The following HECW1 variants were observed in gnomAD, a reference collection of about 807,000 sequenced individuals.
HECW1 encodes the protein HECT, C2 and WW domain containing E3 ubiquitin protein ligase 1, also known as E3 ubiquitin-protein ligase HECW1.
A neutral mutation model predicts 182.3 loss-of-function variants in HECW1; 61 were observed. The ratio of observed to expected loss-of-function variants is 0.33; its 90% CI spans 0.27 to 0.41. The LOEUF (loss-of-function observed/expected upper bound fraction) is 0.41. Among genes scored for constraint, HECW1 ranks in the 10% least tolerant of loss-of-function variants. The pLI, the probability that HECW1 is intolerant of heterozygous loss-of-function variation, is 1.00. For missense variants in HECW1, 1,739 were observed against 2,108.9 expected (o/e 0.82, Z 3.44); for synonymous variants, 859 against 832.6 (o/e 1.03, Z -0.55).
chr7:43,134,034 C>G (rs1003582400), intron 2 of HECW1, among the ~76,000 whole-genome samples: 1 of 152,106 alleles, frequency 6.6e-6, no homozygotes, highest in Admixed American at 6.5e-5. Context: ...TAGTCACAAG[C>G]CCTCTCTAAC....
chr7:43,342,818 G>T (rs1813162560), intron 5 of HECW1, among the ~76,000 whole-genome samples: 1 of 151,794 alleles, frequency 6.6e-6, no homozygotes, highest in African/African-American at 2.4e-5. Flanking sequence ...GAGGTCAGGA[G>T]ATCGAGACCA....
Position 43,243,985 on chromosome 7 carries a change from C to A in HECW1, c.27+53C>A. 1 of 1,364,604 alleles carries A rather than the reference C, an allele frequency of 7.3e-7. No homozygotes were observed. The allele number at this position is 1,364,604 out of a possible 1,614,324, so 84.5% of individuals were successfully genotyped here. ...ACCATCCATGTCATTCCATTATAAA[C>A]CCACTCCACTCATAATGGAATGTGC... is the stretch of plus-strand genomic sequence containing the variant. On this transcript the variant is annotated intron_variant, in intron 3 of 29. Transcript: ENST00000395891. The surrounding 1 kb of genome is among the most constrained non-coding windows in gnomAD (Gnocchi z 4.0).
chr7:43,320,351 C>T (rs1296036949), intron 4 of HECW1, among the ~76,000 whole-genome samples: 3 of 152,152 alleles, frequency 2.0e-5, no homozygotes, highest in African/African-American at 2.4e-5. Context: ...TGAAGTGAAC[C>T]GCGATAGCAG....
chr7:43,207,021 T>G (rs1229366934), intron 2 of HECW1, among the ~76,000 whole-genome samples: 1 of 152,238 alleles, frequency 6.6e-6, no homozygotes, highest in Non-Finnish European at 1.5e-5. Flanking sequence ...AAGGTGCTTT[T>G]GCCTAATTGC....
chr7:43,242,869 G>A (rs1799012758), intron 2 of HECW1, among the ~76,000 whole-genome samples: 1 of 152,180 alleles, frequency 6.6e-6, no homozygotes, highest in Admixed American at 6.5e-5. Flanking sequence ...GAGAAGTCCA[G>A]TAGCGTCCAC....
chr7:43,293,038 C>T (rs918794518), intron 3 of HECW1, among the ~76,000 whole-genome samples: 3 of 151,928 alleles, frequency 2.0e-5, no homozygotes, highest in Admixed American at 1.3e-4. Context: ...TCCTAGCTAA[C>T]ACGGTGAAAC....
rs749266958 is a variant in HECW1, at chr7:43,311,795, C to T, written c.60C>T (p.Ala20=). The change falls in exon 4 of 30, where the codon GCC becomes GCT. Residue 20 remains alanine, a synonymous_variant. Transcript: ENST00000395891. ...NLYQNRFLGL[A]AMASPSRNSQ... Reference sequence around the variant, plus strand: ...ACCAGAACAGGTTTTTAGGCCTGGCCGCCATGGCGTCTCCTTCTAGAAACT... The same window carrying T: ...ACCAGAACAGGTTTTTAGGCCTGGCTGCCATGGCGTCTCCTTCTAGAAACT... The T allele has an allele frequency of 3.7e-6, 6 of 1,613,950 alleles. No homozygotes were observed. Among genetic ancestry groups the T allele is most frequent in the Middle Eastern group, 1.7e-4 (1 of 6,060 alleles).
chr7:43,445,722 G>A, intron 11 of HECW1, 152 bp downstream of exon 11: 10 of 916,898 alleles, frequency 1.1e-5, no homozygotes, highest in Non-Finnish European at 1.6e-5. Context: ...GTGTGCATGT[G>A]TATCTGTGTA....
At chr7:43,464,968 A>AT (rs1248688413) in intron 14 of HECW1, among the ~76,000 whole-genome samples, 1 of 151,532 alleles carries the variant, frequency 6.6e-6, no homozygotes, top group Non-Finnish European at 1.5e-5. Context: ...TGCCTGGCTA[A>AT]TTTTTTCATT....
chr7:43,377,824 C>T (rs1476248766), intron 6 of HECW1: 2 of 199,924 alleles, frequency 1.0e-5, no homozygotes, highest in Non-Finnish European at 2.1e-5. Context: ...ATCCTGGGGA[C>T]TTTCTTATGC....
chr7:43,508,336 T>G (rs1045259225), intron 23 of HECW1, among the ~76,000 whole-genome samples: 2 of 152,172 alleles, frequency 1.3e-5, no homozygotes, highest in Non-Finnish European at 1.5e-5. Context: ...CTAAGATTAT[T>G]GACATGCACA....
intron 5 of HECW1, among the ~76,000 whole-genome samples, chr7:43,340,384 C>T (rs774476711): frequency 1.3e-5 from 2 of 151,188 alleles, no homozygotes; most frequent in Admixed American, 6.6e-5. Flanking sequence ...TCACGCCCAG[C>T]TAATTTTTGT....
intron 5 of HECW1, among the ~76,000 whole-genome samples, chr7:43,357,008 C>A (rs571941732): frequency 8.5e-5 from 13 of 152,194 alleles, no homozygotes; most frequent in African/African-American, 2.9e-4. Context: ...CATCAGTAAT[C>A]ATCAGGGAAA....
rs1333176777 is a variant in HECW1 at position 43,500,770 on chromosome 7, T to C, written c.3509T>C (p.Val1170Ala). 1.9e-6 allele frequency: 3 copies of C among 1,613,548 alleles called. No individual in the cohort carries two copies. The highest frequency in any genetic ancestry group is 2.2e-5 in the East Asian group (1 of 44,890). ...AAGTTGTCCTGTGATGCGGATCTGG[T>C]CATTTTGCTGAGGTAGGGGGCTAGG... ...LEKLSCDADL[V>A]ILLSLFEEEI... Residue 1170 changes from valine (V) to alanine (A), a missense_variant, in exon 20 of 30, where the codon GTC (valine) becomes GCC (alanine). By Grantham distance (64) the Val-to-Ala change is moderately conservative. Around this residue, in one of 5 missense-constraint regions of HECW1, gnomAD observed 420 missense variants for 595.7 expected, o/e 0.71. Transcript: ENST00000395891.
intron 6 of HECW1, among the ~76,000 whole-genome samples, chr7:43,387,981 T>C (rs1399718270): frequency 6.6e-6 from 1 of 152,260 alleles, no homozygotes; most frequent in Admixed American, 6.5e-5. Flanking sequence ...TTTATACACA[T>C]TATGCCATTC....
chr7:43,453,093 T>C (rs1001090603), intron 12 of HECW1, among the ~76,000 whole-genome samples: 1 of 152,126 alleles, frequency 6.6e-6, no homozygotes, highest in African/African-American at 2.4e-5. Context: ...AAGGAGGACA[T>C]TGTAGAGTTT....
chr7:43,407,845 T>TGGCTGTCA (rs2075663056), intron 8 of HECW1, 114 bp downstream of exon 8: 1 of 915,122 alleles, frequency 1.1e-6, no homozygotes, highest in Non-Finnish European at 1.6e-6. Flanking sequence ...GCTCAATCTA[T>TGGCTGTCA]GGCTGTCATG....
chr7:43,311,128 G>C (rs1808450239), intron 3 of HECW1, among the ~76,000 whole-genome samples: 1 of 152,156 alleles, frequency 6.6e-6, no homozygotes, highest in Admixed American at 6.5e-5. Context: ...GGCTCCAAGG[G>C]AGATACAGTC....
At chr7:43,344,471 G>A (rs1400963962) in intron 5 of HECW1, among the ~76,000 whole-genome samples, 2 of 148,250 alleles carry the variant, frequency 1.3e-5, no homozygotes, top group African/African-American at 5.2e-5. Flanking sequence ...TCCTTTGAAG[G>A]TAAGCTAGCT....
Sources: allele counts gnomAD v4.1 joint callset (sites outside exome capture counted in the v4.1 genomes callset), GRCh38; gene constraint gnomAD v4.1.1; regional missense constraint gnomAD v4.1.1; non-coding constraint Gnocchi (gnomAD v3.1); transcripts MANE v1.5; gene names NCBI Gene and HGNC (gene_info 2026-07-23, HGNC 2026-07-21).